The following TMIGD3 variants were observed in gnomAD, a reference collection of about 807,000 sequenced individuals.
The protein encoded by TMIGD3 is AD026 protein (AD026).
TMIGD3 carries 21 observed loss-of-function variants against 28.1 expected under a neutral mutation model. The observed-to-expected ratio is 0.75, with a 90% CI of 0.53 to 1.08. TMIGD3 has a LOEUF of 1.08. Ranked by LOEUF, TMIGD3 falls within the 50% of genes least tolerant of loss-of-function variation. The pLI is 0.00. For synonymous variants in TMIGD3, 151 were observed against 162.1 expected, an observed-to-expected ratio of 0.93 and a Z score of 0.52; for missense variants, 416 against 435.6, an observed-to-expected ratio of 0.96 and a Z score of 0.40.
At position 111,503,540 on chromosome 1, in the gene TMIGD3, G is replaced by A. The variant is rs1655364522; in HGVS notation, c.-186C>T. On this transcript the variant is annotated 5_prime_UTR_variant, in exon 1 of 6. Transcript: ENST00000369716. Reference sequence around the variant, plus strand: ...GATCTCTTGGAAACCCTTCTCCTTAGAAAGGGCTCATCACAGGTGGGTCAC... The same window carrying A: ...GATCTCTTGGAAACCCTTCTCCTTAAAAAGGGCTCATCACAGGTGGGTCAC... 2 of 1,416,384 alleles carry A rather than the reference G, an allele frequency of 1.4e-6. No homozygotes were observed. The highest frequency in any genetic ancestry group is 1.8e-6 in the Non-Finnish European group (2 of 1,087,998). 87.7% of individuals were successfully genotyped at this position (1,416,384 alleles called of 1,614,324 possible). A position where few individuals can be genotyped will look rare whatever the true frequency, so the allele number is the denominator to read the frequency against.
intron 1 of TMIGD3, among the ~76,000 whole-genome samples, chr1:111,501,955 C>A (rs779779970): frequency 3.4e-5 from 5 of 148,034 alleles, no homozygotes; most frequent in Non-Finnish European, 5.9e-5. Context: ...AATATTTTTA[C>A]GAAAAAAGCT....
intron 1 of TMIGD3, among the ~76,000 whole-genome samples, chr1:111,547,661 AT>A (rs1193422337): frequency 6.6e-6 from 1 of 152,138 alleles, no homozygotes; most frequent in Non-Finnish European, 1.5e-5. Flanking sequence ...CCTTTTACAG[AT>A]TTTTTAAAGA....
At chr1:111,561,329 T>C (rs1044040493) in intron 1 of TMIGD3, among the ~76,000 whole-genome samples, 1 of 152,032 alleles carries the variant, frequency 6.6e-6, no homozygotes, top group Non-Finnish European at 1.5e-5. Flanking sequence ...TTGCCATGTT[T>C]CCCAGGCTGG....
At chr1:111,555,324 C>T (rs1657440369) in intron 1 of TMIGD3, among the ~76,000 whole-genome samples, 1 of 132,232 alleles carries the variant, frequency 7.6e-6, no homozygotes, top group South Asian at 2.4e-4. Flanking sequence ...CAAGATTGTG[C>T]CACTGCACTC....
chr1:111,512,531 T>A (rs1655725307), intron 1 of TMIGD3, among the ~76,000 whole-genome samples: 1 of 152,214 alleles, frequency 6.6e-6, no homozygotes, highest in South Asian at 2.1e-4. Flanking sequence ...AAGATACCCC[T>A]CTGCGGACTG....
chr1:111,534,318 A>C (rs974365141), intron 1 of TMIGD3, among the ~76,000 whole-genome samples: 3 of 152,196 alleles, frequency 2.0e-5, no homozygotes, highest in Admixed American at 1.3e-4. Flanking sequence ...AAGAAACTGT[A>C]GTGTACATGA....
At chr1:111,492,605 G>T (rs1358947648) in intron 1 of TMIGD3, among the ~76,000 whole-genome samples, 1 of 152,126 alleles carries the variant, frequency 6.6e-6, no homozygotes, top group Non-Finnish European at 1.5e-5. Context: ...GACGAGGTCA[G>T]GAGTTCGAGA....
intron 1 of TMIGD3, among the ~76,000 whole-genome samples, chr1:111,559,100 T>C (rs1041962267): frequency 6.6e-6 from 1 of 152,160 alleles, no homozygotes; most frequent in Non-Finnish European, 1.5e-5. Context: ...TAAACTTCTT[T>C]AGAATTTGAA....
intron 3 of TMIGD3, among the ~76,000 whole-genome samples, chr1:111,487,098 GC>G (rs1342866469): frequency 1.3e-5 from 2 of 152,168 alleles, no homozygotes; most frequent in African/African-American, 4.8e-5. Flanking sequence ...TCTTATGACA[GC>G]CACCAAAACC....
At chr1:111,493,831 T>C (rs1044798491) in intron 1 of TMIGD3, among the ~76,000 whole-genome samples, 2 of 152,218 alleles carry the variant, frequency 1.3e-5, no homozygotes, top group African/African-American at 4.8e-5. Context: ...CCAATAGTTA[T>C]AATACTGTAA....
chr1:111,540,306 A>G (rs544148554), intron 1 of TMIGD3, among the ~76,000 whole-genome samples: 10 of 152,240 alleles, frequency 6.6e-5, no homozygotes, highest in Non-Finnish European at 1.5e-4. Flanking sequence ...CTAGGCACCA[A>G]TGCAGCTCAC....
intron 1 of TMIGD3, among the ~76,000 whole-genome samples, chr1:111,559,503 G>A (rs1293377565): frequency 6.6e-6 from 1 of 152,210 alleles, no homozygotes; most frequent in African/African-American, 2.4e-5. Flanking sequence ...GTACCCAGCT[G>A]TGTGTCTTTA....
In TMIGD3 at chr1:111,491,217, G is replaced by A. The variant is rs879868351; in HGVS notation, c.351-455C>T. On this transcript the variant is annotated intron_variant, in intron 1 of 5. Coordinates refer to ENST00000369716, the MANE Select transcript of TMIGD3 (RefSeq NM_020683.7). Reference sequence around the variant, plus strand: ...CACTGCAGGCTCATCTGGGGAGTACGGCCACGGGTGGCGCATGCCAGCTGT... The same window carrying A: ...CACTGCAGGCTCATCTGGGGAGTACAGCCACGGGTGGCGCATGCCAGCTGT... Among the ~76,000 whole-genome samples the A allele has an allele frequency of 5.9e-5, 9 of 152,218 alleles. No individual in the cohort carries two copies. In the East Asian group the frequency reaches 7.7e-4, roughly 13 times the overall value.
intron 1 of TMIGD3, among the ~76,000 whole-genome samples, chr1:111,494,497 C>T (rs564762658): frequency 2.5e-4 from 38 of 152,180 alleles, no homozygotes; most frequent in Non-Finnish European, 4.7e-4. Flanking sequence ...AGGAATACAG[C>T]TTACCAGGGA....
chr1:111,488,665 C>T lies in TMIGD3; in HGVS notation c.805+12G>A. The stretch of plus-strand genomic sequence containing the variant: ...GGGTTACATCCAGCCAGACCCCAGG[C>T]AGGCTCCTTACCTTTCCCAGACCAA... On this transcript the variant is annotated intron_variant, in intron 3 of 5. Transcript: ENST00000369716. 1 of 1,607,038 alleles carries T rather than the reference C, an allele frequency of 6.2e-7. No homozygotes were observed. The highest frequency in any genetic ancestry group is 1.7e-5 in the Admixed American group (1 of 59,860).
intron 1 of TMIGD3, among the ~76,000 whole-genome samples, chr1:111,536,842 C>G (rs1656657030): frequency 1.3e-5 from 2 of 152,136 alleles, no homozygotes. Context: ...ATTCATCCCC[C>G]AGGCCCAAGC....
At chr1:111,487,029 A>C (rs1443264256) in intron 3 of TMIGD3, among the ~76,000 whole-genome samples, 3 of 152,248 alleles carry the variant, frequency 2.0e-5, no homozygotes, top group Admixed American at 6.5e-5. Flanking sequence ...CCAGAGGCAC[A>C]AGAGGGCCAA....
chr1:111,484,458 TA>T (rs1654264438), intron 5 of TMIGD3, among the ~76,000 whole-genome samples: 2 of 152,198 alleles, frequency 1.3e-5, no homozygotes, highest in Non-Finnish European at 2.9e-5. Flanking sequence ...AGCAAAAACC[TA>T]GACTACAATT....
intron 1 of TMIGD3, among the ~76,000 whole-genome samples, chr1:111,561,023 T>C (rs1285265055): frequency 6.6e-6 from 1 of 152,224 alleles, no homozygotes; most frequent in African/African-American, 2.4e-5. Flanking sequence ...TTGCTTTGTG[T>C]CCAGCGAACA....
Sources: gnomAD v4.1 joint callset for allele counts (sites outside exome capture counted in the v4.1 genomes callset) on GRCh38, gnomAD v4.1.1 for gene constraint, MANE v1.5 for transcripts, NCBI Gene and HGNC (gene_info 2026-07-23, HGNC 2026-07-21) for gene names.